The following CCDC192 variants were observed in gnomAD, a reference collection of about 807,000 sequenced individuals.
CCDC192 encodes coiled-coil domain-containing protein 192.
At chr5:127,926,745 G>C (rs1235789477) in intron 6 of CCDC192, among the ~76,000 whole-genome samples, 1 of 152,120 alleles carries the variant, frequency 6.6e-6, no homozygotes, top group Non-Finnish European at 1.5e-5. Context: ...GTCCGACCTA[G>C]AGTTGTAAAT....
intron 3 of CCDC192, among the ~76,000 whole-genome samples, chr5:127,757,767 T>TACACACACACAC (rs60177261): frequency 5.4e-5 from 7 of 129,598 alleles, no homozygotes; most frequent in African/African-American, 2.1e-4. Flanking sequence ...AGACAAGGAT[T>TACACACACACAC]ACACACACAC....
At chr5:127,805,083 C>T (rs1459232214) in intron 5 of CCDC192, among the ~76,000 whole-genome samples, 1 of 152,138 alleles carries the variant, frequency 6.6e-6, no homozygotes, top group Non-Finnish European at 1.5e-5. Context: ...TCCTGCCCTC[C>T]CTCTCCCAGT....
At chr5:127,893,120 A>ATCT (rs1752778466) in intron 6 of CCDC192, among the ~76,000 whole-genome samples, 1 of 152,156 alleles carries the variant, frequency 6.6e-6, no homozygotes, top group African/African-American at 2.4e-5. Flanking sequence ...CTTAGCGATA[A>ATCT]TCTTGTCCAC....
intron 5 of CCDC192, among the ~76,000 whole-genome samples, chr5:127,844,248 A>C (rs931985253): frequency 1.1e-4 from 17 of 152,186 alleles, no homozygotes; most frequent in Admixed American, 2.6e-4. Flanking sequence ...TCTCATAGTG[A>C]AAATTTATAC....
chr5:127,847,325 A>G (rs1036820643), intron 5 of CCDC192, among the ~76,000 whole-genome samples: 2 of 152,190 alleles, frequency 1.3e-5, no homozygotes, highest in Non-Finnish European at 2.9e-5. Flanking sequence ...TCATCTTCCA[A>G]GAAGCTTCTT....
chr5:127,841,996 C>G (rs2127065527), intron 5 of CCDC192, among the ~76,000 whole-genome samples: 1 of 152,294 alleles, frequency 6.6e-6, no homozygotes, highest in East Asian at 1.9e-4. Flanking sequence ...GCTGTGTTGA[C>G]CCAGAGAAGA....
chr5:127,879,216 A>G (rs1368341748), intron 6 of CCDC192, among the ~76,000 whole-genome samples: 1 of 151,948 alleles, frequency 6.6e-6, no homozygotes, highest in Non-Finnish European at 1.5e-5. Flanking sequence ...CCAAAACAGC[A>G]TGGTACTGGT....
At chr5:127,751,254 A>G (rs889188877) in intron 2 of CCDC192, among the ~76,000 whole-genome samples, 55 of 152,060 alleles carry the variant, frequency 3.6e-4, no homozygotes, top group African/African-American at 1.2e-3. Context: ...AGCTGGTACC[A>G]GTTGTTCCTT....
At chr5:127,854,939 TAAC>T (rs971181619) in intron 5 of CCDC192, among the ~76,000 whole-genome samples, 1 of 152,260 alleles carries the variant, frequency 6.6e-6, no homozygotes, top group Non-Finnish European at 1.5e-5. Flanking sequence ...CTAACTTTTA[TAAC>T]AACCTTTATA....
At chr5:127,935,489 A>G (rs1218887598) in intron 6 of CCDC192, 2 of 152,186 alleles carry the variant, frequency 1.3e-5, no homozygotes, top group South Asian at 2.1e-4. Context: ...TCTTCCTCCT[A>G]TTCATTGGGT....
At chr5:127,797,609 T>G (rs897980933) in intron 4 of CCDC192, among the ~76,000 whole-genome samples, 2 of 151,166 alleles carry the variant, frequency 1.3e-5, no homozygotes, top group African/African-American at 4.9e-5. Flanking sequence ...ATCAATTACT[T>G]TATAAGAAAT....
intron 3 of CCDC192, among the ~76,000 whole-genome samples, chr5:127,779,500 T>TAC (rs1486595458): frequency 0.05 from 7,657 of 152,012 alleles, 645 homozygotes; most frequent in African/African-American, 0.18. Flanking sequence ...TTTCACTGTG[T>TAC]TAGCCGGGAC....
At chr5:127,802,549 T>C (rs920177868) in intron 5 of CCDC192, among the ~76,000 whole-genome samples, 3 of 152,160 alleles carry the variant, frequency 2.0e-5, no homozygotes, top group Non-Finnish European at 4.4e-5. Flanking sequence ...TTCCCCATTC[T>C]TTATCAAGAT....
intron 6 of CCDC192, among the ~76,000 whole-genome samples, chr5:127,914,132 G>A (rs1753451327): frequency 6.6e-6 from 1 of 152,180 alleles, no homozygotes; most frequent in South Asian, 2.1e-4. Flanking sequence ...CTGATCTAGT[G>A]ATAATGAATT....
At chr5:127,718,200 A>G (rs1324534397) in intron 2 of CCDC192, among the ~76,000 whole-genome samples, 2 of 152,234 alleles carry the variant, frequency 1.3e-5, no homozygotes. Context: ...TGTATAAGAA[A>G]AAAAAGGTCC....
At chr5:127,719,262 G>A (rs939203755) in intron 2 of CCDC192, among the ~76,000 whole-genome samples, 6 of 151,848 alleles carry the variant, frequency 4.0e-5, no homozygotes, top group African/African-American at 1.2e-4. Context: ...GTACACCATT[G>A]TGTACATCTA....
intron 5 of CCDC192, among the ~76,000 whole-genome samples, chr5:127,853,708 G>A (rs1376287044): frequency 1.3e-5 from 2 of 152,160 alleles, no homozygotes; most frequent in Admixed American, 1.3e-4. Context: ...GGGAGGCAGA[G>A]GTTGCAGTGA....
At position 127,883,223 on chromosome 5, in the gene CCDC192, C is replaced by G. The variant is rs766632684; in HGVS notation, c.535+7562C>G. On this transcript the variant is annotated intron_variant, in intron 6 of 6. Transcript: ENST00000514853. ...AAACAAAAGGCAGAGATGTCTCCCC[C>G]ACAGGAATCATTATCCCACCATTTG... is the stretch of plus-strand genomic sequence containing the variant. Among the ~76,000 whole-genome samples, 53 of 152,144 alleles carry G rather than the reference C, an allele frequency of 3.5e-4. 1 individual carries two copies. Among genetic ancestry groups the G allele is most frequent in the Admixed American group, 1.3e-3 (20 of 15,272 alleles).
At chr5:127,782,417 A>G (rs959678021) in intron 3 of CCDC192, among the ~76,000 whole-genome samples, 3 of 152,038 alleles carry the variant, frequency 2.0e-5, no homozygotes, top group East Asian at 3.9e-4. Flanking sequence ...GTGTCTGGTA[A>G]AATTCTGCTG....
Sources: gnomAD v4.1 joint callset for allele counts (sites outside exome capture counted in the v4.1 genomes callset) on GRCh38, gnomAD v4.1.1 for gene constraint, MANE v1.5 for transcripts, NCBI Gene and HGNC (gene_info 2026-07-23, HGNC 2026-07-21) for gene names.